The following BMP3 variants were observed in gnomAD, a reference collection of about 807,000 sequenced individuals.
The protein encoded by BMP3 is bone morphogenetic protein 3, also known as bone morphogenetic protein 3 (osteogenic).
A neutral mutation model predicts 38.1 loss-of-function variants in BMP3; 23 were observed. That is an observed-to-expected ratio of 0.60 (90% confidence interval 0.43 to 0.86). The LOEUF is 0.86. BMP3 is among the 40% of genes least tolerant of loss of function. The pLI is 0.00. For missense variants in BMP3, 628 were observed against 579.6 expected (o/e 1.08, Z -0.86); for synonymous variants, 258 against 225.7 (o/e 1.14, Z -1.28).
intron 2 of BMP3, among the ~76,000 whole-genome samples, chr4:81,049,082 G>A (rs1390641102): frequency 6.6e-6 from 1 of 152,118 alleles, no homozygotes; most frequent in Non-Finnish European, 1.5e-5. Flanking sequence ...AAAAATAATA[G>A]TTTCTATATA....
Position 81,031,424 on chromosome 4 carries a change from A to G in BMP3, c.140A>G (p.Asp47Gly). The change falls in exon 1 of 3, where the codon GAC becomes GGC. Residue 47 changes from aspartate to glycine, a missense_variant. Physicochemically the swap from Asp to Gly is moderately conservative, Grantham distance 94. Transcript: ENST00000282701. ...GACCGCACGGCAGGTGGTGGCCCGG[A>G]CTCCGAGCTGCAGCCGCAAGACAAG... The part of the protein sequence containing the change: ...PGDRTAGGGP[D>G]SELQPQDKVS... 6.2e-7 allele frequency: 1 copy of G among 1,613,486 alleles called. No homozygotes were observed. The highest frequency in any genetic ancestry group is 1.1e-5 in the South Asian group (1 of 91,022).
intron 1 of BMP3, among the ~76,000 whole-genome samples, chr4:81,032,680 A>T (rs1739812128): frequency 6.6e-6 from 1 of 152,250 alleles, no homozygotes; most frequent in Non-Finnish European, 1.5e-5. Context: ...CTAGAAAGAA[A>T]TCTCCCAAAG....
intron 2 of BMP3, among the ~76,000 whole-genome samples, chr4:81,049,459 G>T (rs1460450987): frequency 6.6e-6 from 1 of 152,112 alleles, no homozygotes; most frequent in Non-Finnish European, 1.5e-5. Flanking sequence ...AACTTGGAAG[G>T]GCATCAGAAC....
At chr4:81,050,565 T>A (rs1740377502) in intron 2 of BMP3, among the ~76,000 whole-genome samples, 1 of 151,816 alleles carries the variant, frequency 6.6e-6, no homozygotes, top group Non-Finnish European at 1.5e-5. Flanking sequence ...AGCAAACACA[T>A]AGAATTAGGC....
intron 2 of BMP3, among the ~76,000 whole-genome samples, chr4:81,046,985 C>G (rs1740269749): frequency 6.6e-6 from 1 of 152,200 alleles, no homozygotes; most frequent in Admixed American, 6.5e-5. Context: ...TCCATGTAAG[C>G]AAGCCCCAAA....
At chr4:81,045,084 A>G (rs1160233037) in intron 1 of BMP3, among the ~76,000 whole-genome samples, 1 of 152,192 alleles carries the variant, frequency 6.6e-6, no homozygotes. Flanking sequence ...CAGCAATTTG[A>G]GAGTGTTCCA....
chr4:81,049,622 T>C (rs996899479), intron 2 of BMP3, among the ~76,000 whole-genome samples: 7 of 152,202 alleles, frequency 4.6e-5, no homozygotes, highest in Non-Finnish European at 1.0e-4. Context: ...AGCTTTCTAG[T>C]GGTTCCCTTT....
In BMP3 at chr4:81,042,174, A is replaced by G. The variant is rs575025590; in HGVS notation, c.317-3564A>G. Among the ~76,000 whole-genome samples, 39 of 152,344 alleles carry G rather than the reference A, an allele frequency of 2.6e-4. 1 individual carries two copies. The highest frequency in any genetic ancestry group is 8.7e-4 in the African/African-American group (36 of 41,576). Reference sequence around the variant, plus strand: ...TTAACACACACTGGCTTAATATAAAATGTATTGCTACGATATCTTATATTC... The same window carrying G: ...TTAACACACACTGGCTTAATATAAAGTGTATTGCTACGATATCTTATATTC... On this transcript the variant is annotated intron_variant, in intron 1 of 2. Coordinates refer to ENST00000282701, the MANE Select transcript of BMP3 (RefSeq NM_001201.5).
intron 1 of BMP3, among the ~76,000 whole-genome samples, chr4:81,045,173 T>A (rs1740195953): frequency 6.6e-6 from 1 of 152,150 alleles, no homozygotes; most frequent in Non-Finnish European, 1.5e-5. Context: ...CAAGTAGTAC[T>A]TCACTGTGAT....
In BMP3 at chr4:81,053,341, C is replaced by G; in HGVS notation, c.1228-4C>G. ...ATGTGTTCTTCTTTCATTTCTTTCT[C>G]TAGTCTTTGAAGCCATCAAATCATG... On this transcript the variant is annotated splice_polypyrimidine_tract_variant and splice_region_variant and intron_variant, in intron 2 of 2. Coordinates refer to ENST00000282701, the MANE Select transcript of BMP3 (RefSeq NM_001201.5). 1.3e-6 allele frequency: 2 copies of G among 1,545,510 alleles called. No individual in the cohort carries two copies. Among genetic ancestry groups the G allele is most frequent in the South Asian group, 2.5e-5 (2 of 79,888 alleles).
In BMP3 at chr4:81,057,295, A is replaced by T. The variant is rs1331875119; in HGVS notation, c.*3759A>T. 2 of 151,924 alleles carry T rather than the reference A, an allele frequency of 1.3e-5. No individual in the cohort carries two copies. Among genetic ancestry groups the T allele is most frequent in the Non-Finnish European group, 2.9e-5 (2 of 67,918 alleles). 9.4% of individuals were successfully genotyped at this position (151,924 alleles called of 1,614,324 possible). A position where few individuals can be genotyped will look rare whatever the true frequency, so the allele number is the denominator to read the frequency against. On this transcript the variant is annotated 3_prime_UTR_variant, in exon 3 of 3. Coordinates refer to ENST00000282701, the MANE Select transcript of BMP3 (RefSeq NM_001201.5). ...ATGACTATTGCCTTCCTATAATAATAATTTTCATCCTTAATTATGATAATA... is the reference window on the plus strand; with the variant it reads ...ATGACTATTGCCTTCCTATAATAATTATTTTCATCCTTAATTATGATAATA...
At chr4:81,033,679 A>C (rs1447826867) in intron 1 of BMP3, among the ~76,000 whole-genome samples, 1 of 152,176 alleles carries the variant, frequency 6.6e-6, no homozygotes, top group African/African-American at 2.4e-5. Flanking sequence ...TAACACACTA[A>C]AAAGACTATT....
In BMP3 at chr4:81,053,588, T is replaced by A; in HGVS notation, c.*52T>A. The A allele has an allele frequency of 9.6e-7, 1 of 1,044,204 alleles. No homozygotes were observed. Among genetic ancestry groups the A allele is most frequent in the Non-Finnish European group, 1.3e-6 (1 of 774,860 alleles). The allele number at this position is 1,044,204 out of a possible 1,614,324, so 64.7% of individuals were successfully genotyped here. ...TAATTCAATCATTAGTTTATTTTTATGGACTTCTTCCTGTTTTTTTTTTTT... is the reference window on the plus strand; with the variant it reads ...TAATTCAATCATTAGTTTATTTTTAAGGACTTCTTCCTGTTTTTTTTTTTT... On this transcript the variant is annotated 3_prime_UTR_variant, in exon 3 of 3. Coordinates refer to ENST00000282701, the MANE Select transcript of BMP3 (RefSeq NM_001201.5).
intron 2 of BMP3, among the ~76,000 whole-genome samples, chr4:81,049,924 A>G (rs1424173205): frequency 6.6e-6 from 1 of 152,156 alleles, no homozygotes; most frequent in Non-Finnish European, 1.5e-5. Context: ...CCCAGGCTAG[A>G]CTGCTTTGTT....
rs368398041 is a variant in BMP3 at position 81,049,023 on chromosome 4, T to TCTC, written c.1227+2376_1227+2378dup. Reference sequence around the variant, plus strand: ...GACTCTTTGGAGAAGTTATTCAGACTCTCTACAAGTTATTTTTACAGTCTG... The same window carrying TCTC: ...GACTCTTTGGAGAAGTTATTCAGACTCTCCTCTACAAGTTATTTTTACAGTCTG... On this transcript the variant is annotated intron_variant, in intron 2 of 2. Transcript: ENST00000282701. 3.2e-3 allele frequency among the ~76,000 whole-genome samples: 486 copies of TCTC among 152,318 alleles called. 1 individual carries two copies. The highest frequency in any genetic ancestry group is 0.011 in the African/African-American group (473 of 41,564).
chr4:81,052,854 T>A (rs1017922032), intron 2 of BMP3, among the ~76,000 whole-genome samples: 1 of 152,198 alleles, frequency 6.6e-6, no homozygotes. Context: ...CAATAATGTA[T>A]CTCTGTTAAA....
intron 2 of BMP3, among the ~76,000 whole-genome samples, chr4:81,049,106 A>G (rs181457486): frequency 2.6e-5 from 4 of 152,324 alleles, no homozygotes; most frequent in East Asian, 1.9e-4. Flanking sequence ...AAAACAGTGG[A>G]AAAATGAGAC....
rs1316224043 is a variant in BMP3 at position 81,053,807 on chromosome 4, T to C, written c.*271T>C. ...AATCAAACACAACAACTTATCAAAC[T>C]GTTTTTAGAACTGTTAGAGAACACA... On this transcript the variant is annotated 3_prime_UTR_variant, in exon 3 of 3. Transcript: ENST00000282701. 4.3e-6 allele frequency: 1 copy of C among 230,330 alleles called. No homozygotes were observed. The highest frequency in any genetic ancestry group is 2.3e-5 in the African/African-American group (1 of 44,312). The allele number at this position is 230,330 out of a possible 1,614,324, so 14.3% of individuals were successfully genotyped here. A position where few individuals can be genotyped will look rare whatever the true frequency, so the allele number is the denominator to read the frequency against.
At chr4:81,043,511 C>A (rs761566143) in intron 1 of BMP3, among the ~76,000 whole-genome samples, 2 of 151,414 alleles carry the variant, frequency 1.3e-5, no homozygotes, top group African/African-American at 2.4e-5. Context: ...TTGCAGTATG[C>A]CTTATTTTTT....
Sources: allele counts gnomAD v4.1 joint callset (sites outside exome capture counted in the v4.1 genomes callset), GRCh38; gene constraint gnomAD v4.1.1; transcripts MANE v1.5; gene names NCBI Gene and HGNC (gene_info 2026-07-23, HGNC 2026-07-21).